Variants in LGR5 observed in about 807,000 individuals in gnomAD.
LGR5 encodes the protein leucine rich repeat containing G protein-coupled receptor 5.
Under a neutral mutation model 76.7 loss-of-function variants are expected in LGR5, and 54 were observed. The observed-to-expected ratio is 0.70, with a 90% CI of 0.57 to 0.88. The LOEUF (loss-of-function observed/expected upper bound fraction) is 0.88, where lower values mean the gene tolerates loss of function less well. Among genes scored for constraint, LGR5 ranks in the 40% least tolerant of loss-of-function variants. LGR5 has a pLI of 0.00. For missense variants in LGR5, 1,078 were observed against 1,073.3 expected, an observed-to-expected ratio of 1.00 and a Z score of -0.06; for synonymous variants, 406 against 421.9, an observed-to-expected ratio of 0.96 and a Z score of 0.46.
chr12:71,535,988 A>ATACCAC (rs1876565872), intron 4 of LGR5, among the ~76,000 whole-genome samples: 1 of 152,216 alleles, frequency 6.6e-6, no homozygotes, highest in African/African-American at 2.4e-5. Context: ...TGGCAAGTCT[A>ATACCAC]TACCACTACT....
chr12:71,449,627 T>C (rs80238189), intron 1 of LGR5, among the ~76,000 whole-genome samples: 5,690 of 152,300 alleles, frequency 0.037, 392 homozygotes, highest in African/African-American at 0.13. Flanking sequence ...TAGGTAGATA[T>C]GTTCTGGTCC....
At chr12:71,521,632 C>A (rs1244522331) in intron 2 of LGR5, among the ~76,000 whole-genome samples, 1 of 152,126 alleles carries the variant, frequency 6.6e-6, no homozygotes, top group Non-Finnish European at 1.5e-5. Context: ...ACTGGAAAAT[C>A]GGACTGTAGC....
At chr12:71,439,163 G>A (rs1016296976), upstream of LGR5, among the ~76,000 whole-genome samples, 8 of 152,154 alleles carry the variant, frequency 5.3e-5, no homozygotes, top group East Asian at 1.5e-3. Flanking sequence ...AGATAGGAAG[G>A]CAGCAGTGGA....
At chr12:71,552,563 G>C (rs1203471805) in intron 4 of LGR5, among the ~76,000 whole-genome samples, 1 of 121,490 alleles carries the variant, frequency 8.2e-6, no homozygotes, top group Non-Finnish European at 1.6e-5. Context: ...GAGAGACTTC[G>C]TCTCAAAAAA....
chr12:71,489,905 A>AAAG (rs760767191), intron 1 of LGR5, among the ~76,000 whole-genome samples: 20 of 151,854 alleles, frequency 1.3e-4, no homozygotes, highest in African/African-American at 3.9e-4. Context: ...TCTGCAGAAA[A>AAAG]AAGAAGAAGA....
At chr12:71,496,576 C>T (rs1874334284) in intron 1 of LGR5, among the ~76,000 whole-genome samples, 1 of 152,004 alleles carries the variant, frequency 6.6e-6, no homozygotes, top group African/African-American at 2.4e-5. Context: ...AATTCTACTC[C>T]CAGATATGTA....
chr12:71,566,715 G>T lies in LGR5; in HGVS notation c.998+15G>T. 1 of 1,607,242 alleles carries T rather than the reference G, an allele frequency of 6.2e-7. No homozygotes were observed. The highest frequency in any genetic ancestry group is 1.1e-5 in the South Asian group (1 of 90,934). On this transcript the variant is annotated intron_variant, in intron 10 of 17. Coordinates refer to ENST00000266674, the MANE Select transcript of LGR5 (RefSeq NM_003667.4). ...CTGGAGAGTCTGTAAGTACTGAGTA[G>T]ACTCTTGACTTTGCCCAGAACATAC...
intron 13 of LGR5, among the ~76,000 whole-genome samples, chr12:71,573,218 A>G (rs368826948): frequency 3.3e-5 from 5 of 152,174 alleles, no homozygotes; most frequent in Admixed American, 2.0e-4. Flanking sequence ...TCGACAAGAA[A>G]CATTTTACAT....
In LGR5 at chr12:71,561,133, G is replaced by A. The variant is rs145692841; in HGVS notation, c.786-648G>A. Among the ~76,000 whole-genome samples the A allele has an allele frequency of 7.5e-3, 1,147 of 152,280 alleles. 5 individuals are homozygous for A. The highest frequency in any genetic ancestry group is 0.017 in the Middle Eastern group (5 of 294). On this transcript the variant is annotated intron_variant, in intron 7 of 17. Transcript: ENST00000266674. ...AGCTTGTTTATAAGAAAAACCCTTA[G>A]GGTGTTCTGACTTAGGAAACCCCAT...
Position 71,583,807 on chromosome 12 carries a change from C to G in LGR5, c.1797C>G (p.Ile599Met). 2 of 1,614,094 alleles carry G rather than the reference C, an allele frequency of 1.2e-6. No individual in the cohort carries two copies. Among genetic ancestry groups the G allele is most frequent in the Non-Finnish European group, 1.7e-6 (2 of 1,180,000 alleles). Residue 599 changes from isoleucine (I) to methionine (M), a missense_variant, in exon 18 of 18, where the codon ATC becomes ATG. Transcript: ENST00000266674. ...ISPIKLLIGV[I>M]AAVNMLTGVS... ...CCATTAAACTGTTAATTGGGGTCAT[C>G]GCAGCAGTGAACATGCTCACGGGAG...
intron 1 of LGR5, among the ~76,000 whole-genome samples, chr12:71,491,560 A>G (rs1387556411): frequency 1.3e-5 from 2 of 151,980 alleles, no homozygotes; most frequent in East Asian, 3.9e-4. Context: ...TTTATCTGGT[A>G]GAAGAACATA....
chr12:71,497,952 A>G (rs1479737454), intron 1 of LGR5, among the ~76,000 whole-genome samples: 1 of 152,232 alleles, frequency 6.6e-6, no homozygotes. Flanking sequence ...TGAACAAAGT[A>G]CCTACTTTAG....
intron 4 of LGR5, among the ~76,000 whole-genome samples, chr12:71,550,423 G>A (rs1336042490): frequency 1.4e-5 from 2 of 146,140 alleles, no homozygotes; most frequent in African/African-American, 5.0e-5. Flanking sequence ...ATGAACCACT[G>A]CGCGCAGCCC....
At chr12:71,529,854 G>C (rs1486783977) in intron 3 of LGR5, among the ~76,000 whole-genome samples, 1 of 151,706 alleles carries the variant, frequency 6.6e-6, no homozygotes, top group Non-Finnish European at 1.5e-5. Context: ...TACTTGGGAG[G>C]CTGAGGCACA....
chr12:71,461,560 G>A (rs1872686229), intron 1 of LGR5, among the ~76,000 whole-genome samples: 1 of 152,048 alleles, frequency 6.6e-6, no homozygotes, highest in Non-Finnish European at 1.5e-5. Context: ...TTTTCTATTG[G>A]GGGAATGATA....
intron 11 of LGR5, among the ~76,000 whole-genome samples, chr12:71,567,669 T>C (rs1565765810): frequency 6.6e-6 from 1 of 152,194 alleles, no homozygotes; most frequent in Non-Finnish European, 1.5e-5. Flanking sequence ...GCACTCAGAA[T>C]GTTAAGTAGA....
intron 3 of LGR5, among the ~76,000 whole-genome samples, chr12:71,525,618 G>A (rs1334454372): frequency 6.6e-6 from 1 of 151,550 alleles, no homozygotes; most frequent in East Asian, 1.9e-4. Context: ...TTCCCATGTT[G>A]AGCTATGTAC....
chr12:71,469,735 C>T (rs990089491), intron 1 of LGR5, among the ~76,000 whole-genome samples: 2 of 152,236 alleles, frequency 1.3e-5, no homozygotes, highest in Admixed American at 6.5e-5. Flanking sequence ...GAAATGCCCC[C>T]ACTTAACTGC....
At chr12:71,459,358 C>T (rs1228824494) in intron 1 of LGR5, among the ~76,000 whole-genome samples, 1 of 152,026 alleles carries the variant, frequency 6.6e-6, no homozygotes, top group African/African-American at 2.4e-5. Flanking sequence ...GAGAAGGTAG[C>T]AATCATGGCA....
Sources: allele counts gnomAD v4.1 joint callset (sites outside exome capture counted in the v4.1 genomes callset), GRCh38; gene constraint gnomAD v4.1.1; transcripts MANE v1.5; gene names NCBI Gene and HGNC (gene_info 2026-07-23, HGNC 2026-07-21).